ARID4B: variants seen among roughly 807,000 people sequenced by gnomAD.
The protein encoded by ARID4B is AT-rich interactive domain-containing protein 4B.
ARID4B carries 26 observed loss-of-function variants against 147.5 expected under a neutral mutation model. The ratio of observed to expected loss-of-function variants is 0.18; its 90% CI spans 0.13 to 0.24. ARID4B has a LOEUF of 0.24. ARID4B is among the 10% of genes least tolerant of loss of function. The pLI, the probability that ARID4B is intolerant of heterozygous loss-of-function variation, is 1.00. For synonymous variants in ARID4B, 512 were observed against 507.9 expected, an observed-to-expected ratio of 1.01 and a Z score of -0.11; for missense variants, 1,179 against 1,511.5, an observed-to-expected ratio of 0.78 and a Z score of 3.65.
intron 2 of ARID4B, among the ~76,000 whole-genome samples, chr1:235,324,617 C>T (rs1403082241): frequency 6.6e-6 from 1 of 152,162 alleles, no homozygotes; most frequent in East Asian, 1.9e-4. Context: ...TGGCATAAAA[C>T]CTTCTGTAGC....
intron 10 of ARID4B, among the ~76,000 whole-genome samples, chr1:235,230,339 G>A (rs189315415): frequency 6.6e-6 from 1 of 151,368 alleles, no homozygotes; most frequent in African/African-American, 2.4e-5. Context: ...GCTTGAACCC[G>A]GGAGGTGGAG....
chr1:235,310,267 AAAGT>A (rs537087775), intron 2 of ARID4B, among the ~76,000 whole-genome samples: 114 of 152,278 alleles, frequency 7.5e-4, no homozygotes, highest in African/African-American at 2.3e-3. Context: ...CTTTTTCAAC[AAAGT>A]AAGTAGGCAA....
intron 2 of ARID4B, among the ~76,000 whole-genome samples, chr1:235,285,666 G>A (rs928615234): frequency 1.3e-5 from 2 of 152,202 alleles, no homozygotes; most frequent in East Asian, 3.8e-4. Flanking sequence ...TGCCTTTACT[G>A]ACAACATGAT....
intron 2 of ARID4B, among the ~76,000 whole-genome samples, chr1:235,280,933 T>C (rs1209463816): frequency 6.6e-6 from 1 of 151,636 alleles, no homozygotes; most frequent in African/African-American, 2.4e-5. Flanking sequence ...GTTCAAAAAT[T>C]AAATCATATG....
chr1:235,225,167 A>G (rs1014150672), intron 11 of ARID4B, among the ~76,000 whole-genome samples: 1 of 152,232 alleles, frequency 6.6e-6, no homozygotes, highest in Non-Finnish European at 1.5e-5. Flanking sequence ...ATCAGAGTTA[A>G]ACATCAAAAC....
intron 2 of ARID4B, among the ~76,000 whole-genome samples, chr1:235,292,774 T>C (rs375144659): frequency 6.6e-6 from 1 of 152,184 alleles, no homozygotes; most frequent in South Asian, 2.1e-4. Flanking sequence ...TTTTGATTAC[T>C]AACAAGATAA....
At chr1:235,227,760 C>T (rs529215317) in intron 11 of ARID4B, among the ~76,000 whole-genome samples, 1 of 151,682 alleles carries the variant, frequency 6.6e-6, no homozygotes, top group Non-Finnish European at 1.5e-5. Flanking sequence ...GAACTATCTA[C>T]CCATTTGTCT....
chr1:235,263,318 A>C (rs941758903), intron 2 of ARID4B, among the ~76,000 whole-genome samples: 10 of 152,352 alleles, frequency 6.6e-5, no homozygotes, highest in Admixed American at 6.5e-4. Flanking sequence ...TAAATTTTTA[A>C]TAGATAATTC....
intron 2 of ARID4B, among the ~76,000 whole-genome samples, chr1:235,262,560 C>T (rs10925270): frequency 0.47 from 70,773 of 151,878 alleles, 16,811 homozygotes; most frequent in South Asian, 0.6. Context: ...TACCTACCTG[C>T]CTTAGGTCTC....
Position 235,168,443 on chromosome 1 carries a change from T to C in ARID4B, c.*82A>G. ...AATATAAAATAGTGCTTGTCTGATA[T>C]TTTTTTGTGCCACTGTGCAGTATAA... On this transcript the variant is annotated 3_prime_UTR_variant, in exon 24 of 24. Coordinates refer to ENST00000264183, the MANE Select transcript of ARID4B (RefSeq NM_016374.6). 3.5e-6 allele frequency: 5 copies of C among 1,429,236 alleles called. No individual in the cohort carries two copies. In the Middle Eastern group the frequency reaches 5.7e-4, roughly 162 times the overall value. 88.5% of individuals were successfully genotyped at this position (1,429,236 alleles called of 1,614,324 possible).
intron 2 of ARID4B, among the ~76,000 whole-genome samples, chr1:235,261,048 T>C (rs1670261133): frequency 1.3e-5 from 2 of 152,174 alleles, no homozygotes; most frequent in Non-Finnish European, 2.9e-5. Flanking sequence ...ACTCATTCAT[T>C]CAAATATTTA....
At chr1:235,243,597 A>G (rs987772828) in intron 7 of ARID4B, among the ~76,000 whole-genome samples, 10 of 152,072 alleles carry the variant, frequency 6.6e-5, no homozygotes, top group African/African-American at 2.2e-4. Context: ...TTCACTATTA[A>G]CTCTAATTAG....
chr1:235,287,270 A>T lies in ARID4B; in HGVS notation c.7-26518T>A, dbSNP rs541112373. 6.2e-4 allele frequency among the ~76,000 whole-genome samples: 92 copies of T among 149,320 alleles called. 1 individual carries two copies. The highest frequency in any genetic ancestry group is 3.1e-3 in the Admixed American group (47 of 15,000). ...TAAGACTCTGTCTCAGAAAAAATAA[A>T]TTTTTTTTTTTTACCTTTTTTCTCC... On this transcript the variant is annotated intron_variant, in intron 2 of 23. Transcript: ENST00000264183.
At chr1:235,292,195 G>T (rs1283584340) in intron 2 of ARID4B, among the ~76,000 whole-genome samples, 1 of 152,154 alleles carries the variant, frequency 6.6e-6, no homozygotes, top group African/African-American at 2.4e-5. Context: ...TTGTCCCCAA[G>T]AGTCTGCCTT....
intron 2 of ARID4B, among the ~76,000 whole-genome samples, chr1:235,320,134 A>AC (rs1674722541): frequency 6.6e-6 from 1 of 151,366 alleles, no homozygotes; most frequent in African/African-American, 2.4e-5. Flanking sequence ...TAAAAAAAAA[A>AC]AAACAAAAAA....
intron 2 of ARID4B, among the ~76,000 whole-genome samples, chr1:235,325,639 C>A (rs1276177694): frequency 6.6e-6 from 1 of 152,192 alleles, no homozygotes; most frequent in Admixed American, 6.5e-5. Flanking sequence ...AATGCACTTT[C>A]ACCACTGTTT....
chr1:235,276,190 CAAAA>C (rs1190767913), intron 2 of ARID4B, among the ~76,000 whole-genome samples: 1 of 56,022 alleles, frequency 1.8e-5, no homozygotes. Flanking sequence ...ACATACGAAG[CAAAA>C]AAAAAAAAAA....
At chr1:235,271,599 C>CAG (rs1315161183) in intron 2 of ARID4B, among the ~76,000 whole-genome samples, 1 of 151,746 alleles carries the variant, frequency 6.6e-6, no homozygotes, top group Non-Finnish European at 1.5e-5. Context: ...CACTGCACTC[C>CAG]AGCCTGGGCA....
intron 17 of ARID4B, among the ~76,000 whole-genome samples, chr1:235,200,339 G>C (rs777723540): frequency 6.6e-6 from 1 of 152,140 alleles, no homozygotes; most frequent in African/African-American, 2.4e-5. Context: ...GGCGCCTGTA[G>C]TCCTAGCTAC....
Sources: allele counts gnomAD v4.1 joint callset (sites outside exome capture counted in the v4.1 genomes callset), GRCh38; gene constraint gnomAD v4.1.1; transcripts MANE v1.5; gene names NCBI Gene and HGNC (gene_info 2026-07-23, HGNC 2026-07-21).